Variants in PCLO observed in about 807,000 individuals in gnomAD.
The protein encoded by PCLO is piccolo presynaptic cytomatrix protein, also known as protein piccolo.
Under a neutral mutation model 427.5 loss-of-function variants are expected in PCLO, and 82 were observed. That is an observed-to-expected ratio of 0.19 (90% CI 0.16 to 0.23). The LOEUF is 0.23. Ranked by LOEUF, PCLO falls within the 10% of genes least tolerant of loss-of-function variation. PCLO has a pLI of 1.00. For missense variants in PCLO, 6,239 were observed against 6,115.9 expected, an observed-to-expected ratio of 1.02 and a Z score of -0.67; for synonymous variants, 2,357 against 2,155.4, an observed-to-expected ratio of 1.09 and a Z score of -2.59.
chr7:82,860,503 A>G (rs1792925439), intron 10 of PCLO, among the ~76,000 whole-genome samples: 1 of 152,060 alleles, frequency 6.6e-6, no homozygotes, highest in African/African-American at 2.4e-5. Flanking sequence ...CTTAACCCAG[A>G]CAAAAAAAAG....
intron 3 of PCLO, among the ~76,000 whole-genome samples, chr7:82,980,817 A>C (rs957316030): frequency 2.0e-5 from 3 of 152,186 alleles, no homozygotes; most frequent in Non-Finnish European, 4.4e-5. Flanking sequence ...ATTTACAAAT[A>C]GAGGAGGAAC....
Position 82,845,465 on chromosome 7 carries a change from C to T in PCLO, c.13852G>A (p.Gly4618Arg). The change falls in exon 13 of 25, where the codon GGG (glycine) becomes AGG (arginine). Residue 4618 changes from glycine (G) to arginine (R), a missense_variant. Gly to Arg is a moderately radical substitution (Grantham distance 125, BLOSUM62 -2). Transcript: ENST00000333891. ...GCTGCCAACTGCTTAGGATCAACCCCTGGGGATTTCGCCTTATCCACTACA... is the reference window on the plus strand; with the variant it reads ...GCTGCCAACTGCTTAGGATCAACCCTTGGGGATTTCGCCTTATCCACTACA... The part of the protein sequence containing the change: ...PKAVDKAKSP[G>R]VDPKQLAAEL... 6.2e-7 allele frequency: 1 copy of T among 1,612,128 alleles called. No individual in the cohort carries two copies. Among genetic ancestry groups the T allele is most frequent in the Non-Finnish European group, 8.5e-7 (1 of 1,178,882 alleles).
At chr7:82,786,612 C>CT (rs1488315580) in intron 22 of PCLO, among the ~76,000 whole-genome samples, 1 of 152,024 alleles carries the variant, frequency 6.6e-6, no homozygotes, top group East Asian at 1.9e-4. Context: ...TGTTTTGATA[C>CT]TTTAAGTTCT....
intron 22 of PCLO, among the ~76,000 whole-genome samples, chr7:82,766,716 C>T (rs998175160): frequency 1.3e-5 from 2 of 152,010 alleles, no homozygotes; most frequent in East Asian, 1.9e-4. Context: ...CTCAACACAC[C>T]GCATATGTGA....
intron 4 of PCLO, among the ~76,000 whole-genome samples, chr7:82,962,560 C>T (rs1288877025): frequency 6.6e-6 from 1 of 151,898 alleles, no homozygotes; most frequent in Non-Finnish European, 1.5e-5. Flanking sequence ...ATAATATTCC[C>T]TGTTTCTCTT....
chr7:82,793,080 C>T (rs1336858272), intron 22 of PCLO, among the ~76,000 whole-genome samples: 3 of 151,856 alleles, frequency 2.0e-5, no homozygotes, highest in Middle Eastern at 3.2e-3. Flanking sequence ...AAGAGCACCT[C>T]TTTCAATACT....
chr7:82,954,913 A>G lies in PCLO; in HGVS notation c.6040T>C (p.Phe2014Leu). 1 of 1,613,274 alleles carries G rather than the reference A, an allele frequency of 6.2e-7. No homozygotes were observed. The highest frequency in any genetic ancestry group is 2.2e-5 in the East Asian group (1 of 44,856). Residue 2014 changes from phenylalanine to leucine, a missense_variant, in exon 5 of 25, where the codon TTT becomes CTT. Transcript: ENST00000333891. ...MQKITDLQKE[F>L]YELESLHSVV... ...GAATGTAAGCTTTCTAACTCATAAAACTCTTTCTGGAGGTCTGTAATTTTC... is the reference window on the plus strand; with the variant it reads ...GAATGTAAGCTTTCTAACTCATAAAGCTCTTTCTGGAGGTCTGTAATTTTC...
rs544106731 is a variant in PCLO at position 83,025,333 on chromosome 7, C to G, written c.3301-58846G>C. Among the ~76,000 whole-genome samples, 61 of 150,730 alleles carry G rather than the reference C, an allele frequency of 4.0e-4. No homozygotes were observed. In the East Asian group the frequency reaches 0.01, roughly 25 times the overall value. The stretch of plus-strand genomic sequence containing the variant: ...CAGAAGCCTCAGGAGCCGATGCGAT[C>G]AACTGGAAGAAAGGGTATCAGCAAT... On this transcript the variant is annotated intron_variant, in intron 3 of 24. Transcript: ENST00000333891.
At position 82,956,515 on chromosome 7, in the gene PCLO, T is replaced by C; in HGVS notation, c.4438A>G (p.Lys1480Glu). Residue 1480 changes from lysine to glutamate, a missense_variant, in exon 5 of 25, where the codon AAA (lysine) becomes GAA (glutamate). Around this residue, in one of 5 missense-constraint regions of PCLO, gnomAD observed 4,677 missense variants for 4,468.4 expected, o/e 1.05. Coordinates refer to ENST00000333891, the MANE Select transcript of PCLO (RefSeq NM_033026.6). ...GGAATATCTTGTTGGCTATCTTTTTTAAAAGTGTCTTTCCTTTCTTCTTGA... is the reference window on the plus strand; with the variant it reads ...GGAATATCTTGTTGGCTATCTTTTTCAAAAGTGTCTTTCCTTTCTTCTTGA... ...ESQEERKDTF[K>E]KDSQQDIPSS... is the part of the protein sequence containing the mutation. The C allele has an allele frequency of 1.9e-6, 3 of 1,612,958 alleles. No homozygotes were observed. Among genetic ancestry groups the C allele is most frequent in the East Asian group, 2.2e-5 (1 of 44,864 alleles).
chr7:83,043,154 C>A (rs1376241111), intron 3 of PCLO, among the ~76,000 whole-genome samples: 1 of 152,164 alleles, frequency 6.6e-6, no homozygotes, highest in Non-Finnish European at 1.5e-5. Context: ...TGCCTCCAGA[C>A]ATTCCCAAAT....
chr7:83,122,355 G>C (rs1006541992), intron 3 of PCLO, among the ~76,000 whole-genome samples: 1 of 145,968 alleles, frequency 6.9e-6, no homozygotes, highest in Non-Finnish European at 1.5e-5. Context: ...GTGCAATCTC[G>C]GTTCACTGCA....
chr7:82,772,572 G>C (rs1391287009), intron 22 of PCLO, among the ~76,000 whole-genome samples: 2 of 152,008 alleles, frequency 1.3e-5, no homozygotes, highest in Non-Finnish European at 2.9e-5. Context: ...ATACAATAAG[G>C]CAGGCATTCT....
intron 3 of PCLO, among the ~76,000 whole-genome samples, chr7:83,008,071 A>T: frequency 6.6e-6 from 1 of 151,702 alleles, no homozygotes; most frequent in East Asian, 1.9e-4. Context: ...TCCAAGTAAT[A>T]CCTGTTATTT....
At chr7:83,007,890 T>C (rs923509596) in intron 3 of PCLO, among the ~76,000 whole-genome samples, 1 of 151,704 alleles carries the variant, frequency 6.6e-6, no homozygotes, top group Non-Finnish European at 1.5e-5. Context: ...GTCTGAGACA[T>C]GGACATGCTC....
chr7:83,137,728 C>A (rs947871456), intron 2 of PCLO, among the ~76,000 whole-genome samples: 1 of 152,072 alleles, frequency 6.6e-6, no homozygotes, highest in Non-Finnish European at 1.5e-5. Flanking sequence ...CCACCACGCC[C>A]GGCCATGGAT....
rs769336985 is a variant in PCLO at position 82,756,856 on chromosome 7, G to C, written c.*1719C>G. On this transcript the variant is annotated 3_prime_UTR_variant, in exon 25 of 25. Transcript: ENST00000333891. ...CATGTAATTCTTCACCTTTAGTCAG[G>C]TTAAAGTTTATATTTTAAATAAAAA... 9.9e-5 allele frequency: 15 copies of C among 152,044 alleles called. No individual in the cohort carries two copies. Among genetic ancestry groups the C allele is most frequent in the Non-Finnish European group, 2.1e-4 (14 of 67,942 alleles). The allele number at this position is 152,044 out of a possible 1,614,324, so 9.4% of individuals were successfully genotyped here. A position where few individuals can be genotyped will look rare whatever the true frequency, so the allele number is the denominator to read the frequency against.
intron 3 of PCLO, among the ~76,000 whole-genome samples, chr7:83,062,012 T>A (rs1020523248): frequency 6.6e-6 from 1 of 152,192 alleles, no homozygotes; most frequent in Non-Finnish European, 1.5e-5. Context: ...TATCAGAATG[T>A]ATATGACATT....
intron 10 of PCLO, among the ~76,000 whole-genome samples, chr7:82,867,892 G>A (rs148323743): frequency 1.2e-4 from 18 of 152,184 alleles, no homozygotes; most frequent in African/African-American, 4.1e-4. Flanking sequence ...CACTAGTATC[G>A]TGATGTGGTG....
intron 3 of PCLO, among the ~76,000 whole-genome samples, chr7:82,967,294 G>C (rs899416711): frequency 7.4e-5 from 11 of 148,882 alleles, no homozygotes; most frequent in Admixed American, 6.8e-4. Context: ...TCCTGCCTCA[G>C]CCTCCTGAGT....
Sources: allele counts gnomAD v4.1 joint callset (sites outside exome capture counted in the v4.1 genomes callset), GRCh38; gene constraint gnomAD v4.1.1; regional missense constraint gnomAD v4.1.1; transcripts MANE v1.5; gene names NCBI Gene and HGNC (gene_info 2026-07-23, HGNC 2026-07-21).